Variants in NBPF12 observed in about 807,000 individuals in gnomAD.
NBPF12 encodes the protein NBPF family member NBPF12.
NBPF12 carries 115 observed loss-of-function variants against 146.4 expected under a neutral mutation model. The observed-to-expected ratio is 0.79, with a 90% CI of 0.68 to 0.92. NBPF12 has a LOEUF of 0.92. NBPF12 is among the 40% of genes least tolerant of loss of function. The probability of loss-of-function intolerance (pLI) is 0.00; values close to 1 mark genes in which losing one functional copy is unlikely to be tolerated. For synonymous variants in NBPF12, 385 were observed against 508.9 expected (o/e 0.76, Z 3.28); for missense variants, 1,205 against 1,326.8 (o/e 0.91, Z 1.43).
exon 34 of NBPF12, chr1:146,994,393 T>G: frequency 6.2e-7 from 1 of 1,612,374 alleles, no homozygotes; most frequent in Non-Finnish European, 8.5e-7. Flanking sequence ...ACTGGATAGA[T>G]GTTATTCGAC....
At chr1:146,967,805 A>C (rs1482992019) in intron 9 of NBPF12, among the ~76,000 whole-genome samples, 1 of 150,974 alleles carries the variant, frequency 6.6e-6, no homozygotes, top group East Asian at 1.9e-4. Flanking sequence ...TCAATCTCAT[A>C]GAACGTTTAT....
chr1:146,962,372 A>T lies in NBPF12; in HGVS notation c.278+109A>T, dbSNP rs1412922647. ...GAAGCTGGGCCAGGGAAAGGGCAGAAATTGCCATGGCAGGCTCATGACACA... is the reference window on the plus strand; with the variant it reads ...GAAGCTGGGCCAGGGAAAGGGCAGATATTGCCATGGCAGGCTCATGACACA... On this transcript the variant is annotated intron_variant, in intron 5 of 33. Coordinates refer to ENST00000617844, the Ensembl canonical transcript of NBPF12. The T allele has an allele frequency of 3.7e-3, 3,321 of 891,488 alleles. 27 individuals are homozygous for T. The highest frequency in any genetic ancestry group is 0.015 in the Middle Eastern group (46 of 3,074). The allele number at this position is 891,488 out of a possible 1,614,324, so 55.2% of individuals were successfully genotyped here. A position where few individuals can be genotyped will look rare whatever the true frequency, so the allele number is the denominator to read the frequency against.
At chr1:146,971,201 A>C in exon 13 of NBPF12, 1 of 1,611,728 alleles carries the variant, frequency 6.2e-7, no homozygotes, top group Non-Finnish European at 8.5e-7. Flanking sequence ...AGAAGGCTGA[A>C]GAAAGCAAAG....
Position 146,962,282 on chromosome 1 carries a change from G to C in NBPF12, c.278+19G>C. The C allele has an allele frequency of 1.3e-6, 2 of 1,594,410 alleles. No individual in the cohort carries two copies. The highest frequency in any genetic ancestry group is 1.1e-5 in the South Asian group (1 of 90,786). ...AGCTCAGGTGAGGGGACCCCATGGG[G>C]GGAGGCAGGCGGGTAGGTGTGTAGA... is the stretch of plus-strand genomic sequence containing the variant. On this transcript the variant is annotated intron_variant, in intron 5 of 33. Coordinates refer to ENST00000617844, the Ensembl canonical transcript of NBPF12.
chr1:146,952,516 TAAC>T lies in NBPF12; in HGVS notation c.-184+1030_-184+1032del, dbSNP rs1190665025. Among the ~76,000 whole-genome samples the T allele has an allele frequency of 2.6e-5, 4 of 151,258 alleles. 1 individual carries two copies. Among genetic ancestry groups the T allele is most frequent in the African/African-American group, 9.8e-5 (4 of 40,970 alleles). On this transcript the variant is annotated intron_variant, in intron 2 of 33. Coordinates refer to ENST00000617844, the Ensembl canonical transcript of NBPF12. ...CAACTGTTGGAACAACAGTTGAAAA[TAAC>T]AATATCTTGACTCCTGGTTGAGTGC...
At chr1:146,963,605 G>T (rs1462878958) in intron 6 of NBPF12, among the ~76,000 whole-genome samples, 1 of 151,918 alleles carries the variant, frequency 6.6e-6, no homozygotes. Flanking sequence ...GCGCTTGTTG[G>T]AGTGAAAAGA....
chr1:146,972,740 C>T lies in NBPF12; in HGVS notation c.1592-11C>T. On this transcript the variant is annotated splice_polypyrimidine_tract_variant and intron_variant, in intron 13 of 33. Coordinates refer to ENST00000617844, the Ensembl canonical transcript of NBPF12. ...TTTAACCCATCATGTGTTTGCCTTT[C>T]TTCTCCCCAGTCCCTGGCCCCACCT... 1 of 1,350,790 alleles carries T rather than the reference C, an allele frequency of 7.4e-7. No homozygotes were observed. Among genetic ancestry groups the T allele is most frequent in the East Asian group, 2.3e-5 (1 of 43,626 alleles). The allele number at this position is 1,350,790 out of a possible 1,614,324, so 83.7% of individuals were successfully genotyped here.
chr1:146,954,442 A>G (rs1335300790), intron 2 of NBPF12, among the ~76,000 whole-genome samples: 3 of 139,456 alleles, frequency 2.2e-5, no homozygotes, highest in African/African-American at 5.2e-5. Context: ...ATGTAAGGCC[A>G]GTACACCAAA....
At chr1:146,971,848 G>A (rs1656642165) in intron 13 of NBPF12, among the ~76,000 whole-genome samples, 1 of 150,098 alleles carries the variant, frequency 6.7e-6, no homozygotes, top group African/African-American at 2.5e-5. Context: ...GGGAGGCCGA[G>A]GCGGGTGGAT....
intron 4 of NBPF12, among the ~76,000 whole-genome samples, chr1:146,961,660 G>A (rs1655858668): frequency 6.6e-6 from 1 of 151,930 alleles, no homozygotes; most frequent in African/African-American, 2.4e-5. Flanking sequence ...CTTCAGATAT[G>A]ATTCTTAAAA....
chr1:146,985,761 CTT>C lies in NBPF12; in HGVS notation c.2891+7_2891+8del, dbSNP rs1657712479. 1.3e-6 allele frequency: 1 copy of C among 773,640 alleles called. No individual in the cohort carries two copies. The highest frequency in any genetic ancestry group is 2.3e-6 in the Non-Finnish European group (1 of 439,892). 47.9% of individuals were successfully genotyped at this position (773,640 alleles called of 1,614,324 possible). On this transcript the variant is annotated splice_donor_region_variant and intron_variant, in intron 23 of 33. Transcript: ENST00000617844. ...CCAAGACCCATCATGCCCCAGGTAACTTTGAGCAATTATGGATGCTTAATTCT... is the reference window on the plus strand; with the variant it reads ...CCAAGACCCATCATGCCCCAGGTAACTGAGCAATTATGGATGCTTAATTCT...
At chr1:146,948,746 A>G (rs1183956193), upstream of NBPF12, among the ~76,000 whole-genome samples, 1 of 151,722 alleles carries the variant, frequency 6.6e-6, no homozygotes, top group East Asian at 1.9e-4. Context: ...GTCTGTGCTG[A>G]GGAGGATTAG....
At chr1:146,994,376 A>C in exon 34 of NBPF12, 1 of 1,612,372 alleles carries the variant, frequency 6.2e-7, no homozygotes, top group Non-Finnish European at 8.5e-7. Flanking sequence ...GAAGTCTTGC[A>C]GGACTCACTG....
Position 146,985,000 on chromosome 1 carries a change from A to T in NBPF12, c.2839+15A>T. The T allele has an allele frequency of 8.6e-7, 1 of 1,162,624 alleles. No individual in the cohort carries two copies. Among genetic ancestry groups the T allele is most frequent in the East Asian group, 2.3e-5 (1 of 42,726 alleles). The allele number at this position is 1,162,624 out of a possible 1,614,324, so 72.0% of individuals were successfully genotyped here. On this transcript the variant is annotated intron_variant, in intron 22 of 33. Coordinates refer to ENST00000617844, the Ensembl canonical transcript of NBPF12. ...TGACATGGATGGTGAGTACCTTTCT[A>T]TGAAGGTGATAAGGATCCACTGAGT...
intron 1 of NBPF12, 61 bp from the exon 5 acceptor site, chr1:146,951,287 T>A (rs1655314950): frequency 1.4e-6 from 1 of 701,350 alleles, no homozygotes; most frequent in Non-Finnish European, 2.5e-6. Flanking sequence ...TAAGAAAGTG[T>A]CTCATTGGTA....
exon 8 of NBPF12, chr1:146,965,068 C>T: frequency 6.2e-7 from 1 of 1,605,446 alleles, no homozygotes; most frequent in Non-Finnish European, 8.5e-7. Flanking sequence ...AAAATCCTCT[C>T]ATGATGAATG....
chr1:146,971,289 A>G, exon 13 of NBPF12: 1 of 1,612,310 alleles, frequency 6.2e-7, no homozygotes, highest in East Asian at 2.2e-5. Flanking sequence ...CCAGCCTCAC[A>G]AGAACATCAA....
intron 7 of NBPF12, among the ~76,000 whole-genome samples, chr1:146,964,658 G>A (rs1236644388): frequency 6.6e-6 from 1 of 151,900 alleles, no homozygotes; most frequent in Non-Finnish European, 1.5e-5. Context: ...ATCCTCCTCA[G>A]CTCCTATCTG....
rs1369278660 is a variant in NBPF12 at position 146,960,681 on chromosome 1, G to A, written c.175+363G>A. 9.2e-5 allele frequency among the ~76,000 whole-genome samples: 14 copies of A among 151,980 alleles called. No individual in the cohort carries two copies. The South Asian group carries it at 1.2e-3, about 14-fold the overall frequency. ...TCTAGTCTGTTGTTCTAAATGTCTA[G>A]GACTAGTGAACTTTTATTCAGTTCA... On this transcript the variant is annotated intron_variant, in intron 4 of 33. Transcript: ENST00000617844.
Sources: gnomAD v4.1 joint callset for allele counts (sites outside exome capture counted in the v4.1 genomes callset) on GRCh38, gnomAD v4.1.1 for gene constraint, MANE v1.5 for transcripts, NCBI Gene and HGNC (gene_info 2026-07-23, HGNC 2026-07-21) for gene names.